The following MAGI2 variants were observed in gnomAD, a reference collection of about 807,000 sequenced individuals.
MAGI2 encodes membrane-associated guanylate kinase, WW and PDZ domain-containing protein 2.
In MAGI2, 35 loss-of-function variants were observed where a neutral mutation model predicts 133.3. The ratio of observed to expected loss-of-function variants is 0.26; its 90% CI spans 0.20 to 0.35. MAGI2 has a LOEUF of 0.35. Ranked by LOEUF, MAGI2 falls within the 10% of genes least tolerant of loss-of-function variation. The pLI, the probability that MAGI2 is intolerant of heterozygous loss-of-function variation, is 1.00. For synonymous variants in MAGI2, 729 were observed against 710.6 expected (o/e 1.03, Z -0.41); for missense variants, 1,636 against 1,863.4 (o/e 0.88, Z 2.25).
At chr7:78,625,822 T>C (rs748737192) in intron 3 of MAGI2, among the ~76,000 whole-genome samples, 1 of 152,202 alleles carries the variant, frequency 6.6e-6, no homozygotes, top group Non-Finnish European at 1.5e-5. Context: ...TACAATTACC[T>C]ACGTATTCAG....
intron 21 of MAGI2, among the ~76,000 whole-genome samples, chr7:78,074,350 G>A (rs1192941578): frequency 6.6e-6 from 1 of 152,170 alleles, no homozygotes; most frequent in Non-Finnish European, 1.5e-5. Context: ...AACTCAGAGT[G>A]AGAAATTTTA....
At chr7:78,264,283 T>C (rs535548057) in intron 9 of MAGI2, among the ~76,000 whole-genome samples, 2 of 152,246 alleles carry the variant, frequency 1.3e-5, no homozygotes, top group South Asian at 2.1e-4. Context: ...ACATTGATAA[T>C]TAGGTTAGAT....
intron 2 of MAGI2, among the ~76,000 whole-genome samples, chr7:78,829,665 T>A (rs935336452): frequency 2.6e-5 from 4 of 152,096 alleles, no homozygotes; most frequent in Admixed American, 6.5e-5. Flanking sequence ...ATCGGTCTCT[T>A]GTTTTAAAAT....
intron 10 of MAGI2, among the ~76,000 whole-genome samples, chr7:78,205,082 C>T (rs1829609773): frequency 6.6e-6 from 1 of 152,176 alleles, no homozygotes; most frequent in African/African-American, 2.4e-5. Flanking sequence ...AAAAAGACAA[C>T]ACTGATTTCA....
intron 3 of MAGI2, among the ~76,000 whole-genome samples, chr7:78,559,810 T>C (rs1481960792): frequency 5.3e-5 from 8 of 152,188 alleles, no homozygotes; most frequent in Admixed American, 5.2e-4. Flanking sequence ...CTGATATGGA[T>C]AATTCATTCA....
chr7:78,544,428 G>A (rs190296603), intron 3 of MAGI2, among the ~76,000 whole-genome samples: 2 of 152,294 alleles, frequency 1.3e-5, no homozygotes, highest in East Asian at 1.9e-4. Context: ...TTGGCAACTG[G>A]CAAGAGTGTT....
chr7:78,190,647 C>T lies in MAGI2; in HGVS notation c.2269+4227G>A, dbSNP rs56299014. ...TATCAAATCAGAAATAAGTGGTGGA[C>T]GCAAGGATGCAGTCACACATAGAGA... On this transcript the variant is annotated intron_variant, in intron 12 of 21. Transcript: ENST00000354212. Among the ~76,000 whole-genome samples the T allele has an allele frequency of 3.9e-3, 588 of 151,980 alleles. 5 individuals carry two copies. Among genetic ancestry groups the T allele is most frequent in the East Asian group, 0.025 (130 of 5,174 alleles).
chr7:78,675,631 TC>T (rs1814935110), intron 2 of MAGI2, among the ~76,000 whole-genome samples: 1 of 152,124 alleles, frequency 6.6e-6, no homozygotes, highest in Non-Finnish European at 1.5e-5. Context: ...AGACATTGAA[TC>T]TGAATCTCAC....
chr7:78,696,236 C>T (rs781587702), intron 2 of MAGI2, among the ~76,000 whole-genome samples: 3 of 152,160 alleles, frequency 2.0e-5, no homozygotes, highest in Non-Finnish European at 4.4e-5. Flanking sequence ...CTGCACCTAG[C>T]CTCATTTCTT....
At chr7:78,087,992 C>T (rs1396505351) in intron 20 of MAGI2, among the ~76,000 whole-genome samples, 6 of 152,220 alleles carry the variant, frequency 3.9e-5, no homozygotes, top group African/African-American at 1.4e-4. Flanking sequence ...AAAGCTATCA[C>T]TGGCAGCTCA....
intron 1 of MAGI2, among the ~76,000 whole-genome samples, chr7:79,086,953 A>T (rs552165367): frequency 6.6e-6 from 1 of 151,930 alleles, no homozygotes. Context: ...ATTAATATTT[A>T]TTAAGGCACT....
At chr7:78,486,610 G>T (rs1236848153) in intron 6 of MAGI2, 2 of 293,998 alleles carry the variant, frequency 6.8e-6, no homozygotes, top group South Asian at 9.0e-5. Flanking sequence ...ATTGGGAGTT[G>T]TGGGTGCAGT....
At chr7:79,038,879 G>T (rs1811358023) in intron 1 of MAGI2, among the ~76,000 whole-genome samples, 1 of 152,148 alleles carries the variant, frequency 6.6e-6, no homozygotes, top group South Asian at 2.1e-4. Context: ...GCTACACATA[G>T]AAAAACATAA....
At chr7:79,226,528 GAATTAA>G (rs1179363908) in intron 1 of MAGI2, among the ~76,000 whole-genome samples, 4 of 152,102 alleles carry the variant, frequency 2.6e-5, no homozygotes, top group Admixed American at 6.6e-5. Context: ...CTGAAGCTTG[GAATTAA>G]AATTAAATAA....
At chr7:78,798,302 C>A (rs1242984519) in intron 2 of MAGI2, among the ~76,000 whole-genome samples, 1 of 152,070 alleles carries the variant, frequency 6.6e-6, no homozygotes, top group Admixed American at 6.6e-5. Flanking sequence ...GCCTGCATTA[C>A]AAATGACTAG....
At chr7:79,277,123 G>A (rs149686465) in intron 1 of MAGI2, among the ~76,000 whole-genome samples, 38 of 152,232 alleles carry the variant, frequency 2.5e-4, no homozygotes, top group African/African-American at 9.1e-4. Flanking sequence ...AGGAAAGAAA[G>A]AGTCAATTGA....
At position 78,700,341 on chromosome 7, in the gene MAGI2, G is replaced by A. The variant is rs78044915; in HGVS notation, c.419-73102C>T. Among the ~76,000 whole-genome samples, 841 of 152,202 alleles carry A rather than the reference G, an allele frequency of 5.5e-3. 8 individuals carry two copies. The highest frequency in any genetic ancestry group is 0.019 in the African/African-American group (793 of 41,540). On this transcript the variant is annotated intron_variant, in intron 2 of 21. Coordinates refer to ENST00000354212, the MANE Select transcript of MAGI2 (RefSeq NM_012301.4). ...GTTTGTGAAAAGCATGGTCAGTGTA[G>A]GAGATAGTTCACATACTATGCTTAT...
chr7:78,685,961 CTTTT>C (rs145080216), intron 2 of MAGI2, among the ~76,000 whole-genome samples: 7 of 122,518 alleles, frequency 5.7e-5, no homozygotes, highest in East Asian at 4.4e-4. Flanking sequence ...CTTTCTTTTT[CTTTT>C]TTTTCTTTTC....
chr7:79,294,778 G>T (rs1003121122), intron 1 of MAGI2, among the ~76,000 whole-genome samples: 1 of 130,308 alleles, frequency 7.7e-6, no homozygotes, highest in African/African-American at 2.8e-5. Context: ...TACTCGGGCT[G>T]GAGTGCAGGG....
Sources: allele counts gnomAD v4.1 joint callset (sites outside exome capture counted in the v4.1 genomes callset), GRCh38; gene constraint gnomAD v4.1.1; transcripts MANE v1.5; gene names NCBI Gene and HGNC (gene_info 2026-07-23, HGNC 2026-07-21).